The following FECH variants were observed in gnomAD, a reference collection of about 807,000 sequenced individuals.
FECH encodes ferrochelatase.
FECH carries 40 observed loss-of-function variants against 56.9 expected under a neutral mutation model. The ratio of observed to expected loss-of-function variants is 0.70; its 90% confidence interval spans 0.55 to 0.92. The LOEUF is 0.92. FECH is among the 40% of genes least tolerant of loss of function. FECH has a pLI of 0.00. For missense variants in FECH, 431 were observed against 529.1 expected (o/e 0.81, Z 1.82); for synonymous variants, 175 against 198.6 (o/e 0.88, Z 1.00).
intron 7 of FECH, among the ~76,000 whole-genome samples, chr18:57,556,750 A>C (rs1259071700): frequency 6.6e-6 from 1 of 151,836 alleles, no homozygotes; most frequent in Non-Finnish European, 1.5e-5. Context: ...GTCTCTTCAA[A>C]AAATACAAAT....
At chr18:57,584,563 G>T (rs1013065508) in intron 1 of FECH, among the ~76,000 whole-genome samples, 3 of 151,916 alleles carry the variant, frequency 2.0e-5, no homozygotes, top group Admixed American at 6.6e-5. Context: ...GAAGAGGGTG[G>T]GGGGCGAGAT....
chr18:57,559,276 G>C (rs1598987417), intron 6 of FECH, 33 bp from the exon 7 acceptor site: 1 of 1,401,068 alleles, frequency 7.1e-7, no homozygotes, highest in Non-Finnish European at 1.0e-6. Flanking sequence ...GGATAAAGAG[G>C]AAGGGAAGAA....
At chr18:57,583,686 C>T (rs1232669490) in intron 1 of FECH, among the ~76,000 whole-genome samples, 4 of 152,176 alleles carry the variant, frequency 2.6e-5, no homozygotes, top group Admixed American at 2.6e-4. Flanking sequence ...ACAGGCCGGG[C>T]ATGGGGGCTC....
chr18:57,553,633 T>C (rs1431118504), intron 9 of FECH, among the ~76,000 whole-genome samples: 2 of 152,250 alleles, frequency 1.3e-5, no homozygotes, highest in African/African-American at 2.4e-5. Context: ...CCTCCCTGAA[T>C]GACAATTCAC....
chr18:57,563,741 T>G lies in FECH; in HGVS notation c.599-761A>C, dbSNP rs2050979253. 2.0e-5 allele frequency among the ~76,000 whole-genome samples: 3 copies of G among 151,946 alleles called. 1 individual carries two copies. The South Asian group carries it at 6.2e-4, about 31-fold the overall frequency. ...AGTCATTGCTTTACTCTAATATGGT[T>G]CTTTTTTTCTTTATAGATGTTTTGT... On this transcript the variant is annotated intron_variant, in intron 5 of 10. Transcript: ENST00000262093.
In FECH at chr18:57,546,997, G is replaced by T. The variant is rs1386721690; in HGVS notation, c.*3715C>A. On this transcript the variant is annotated 3_prime_UTR_variant, in exon 11 of 11. Transcript: ENST00000262093. Reference sequence around the variant, plus strand: ...AAAAAATTTAAGGAGTGCCCTGCCGGGTTTCAGACTTGCACAGTGGAGTGC... The same window carrying T: ...AAAAAATTTAAGGAGTGCCCTGCCGTGTTTCAGACTTGCACAGTGGAGTGC... 1.3e-5 allele frequency among the ~76,000 whole-genome samples: 2 copies of T among 151,966 alleles called. No individual in the cohort carries two copies. Among genetic ancestry groups the T allele is most frequent in the East Asian group, 1.9e-4 (1 of 5,186 alleles).
chr18:57,557,486 G>A (rs1435105950), intron 7 of FECH, among the ~76,000 whole-genome samples: 2 of 152,164 alleles, frequency 1.3e-5, no homozygotes, highest in Non-Finnish European at 1.5e-5. Flanking sequence ...AGGAGGCAAG[G>A]CAGCACCGGA....
In FECH at chr18:57,563,595, A is replaced by AG. The variant is rs1221151789; in HGVS notation, c.599-616_599-615insC. ...AACTCCGTCCCAAAAAAAAAAAAAA[A>AG]AAAAAAAAAGTATGTTATTTTTTTT... On this transcript the variant is annotated intron_variant, in intron 5 of 10. Coordinates refer to ENST00000262093, the MANE Select transcript of FECH (RefSeq NM_000140.5). Among the ~76,000 whole-genome samples, 163 of 150,860 alleles carry AG rather than the reference A, an allele frequency of 1.1e-3. 3 individuals are homozygous for AG. The highest frequency in any genetic ancestry group is 3.7e-3 in the African/African-American group (153 of 41,208).
chr18:57,571,502 T>C lies in FECH; in HGVS notation c.353A>G (p.Lys118Arg). ...AATCCTGCGGTACTGCTCTTGAATC[T>C]TGGGGGTTCGGCGTTTGGCGATGAA... ...APFIAKRRTP[K>R]IQEQYRRIGG... The change falls in exon 4 of 11, where the codon AAG becomes AGG. Residue 118 changes from lysine to arginine, a missense_variant. Lys to Arg is a conservative substitution (Grantham distance 26). Coordinates refer to ENST00000262093, the MANE Select transcript of FECH (RefSeq NM_000140.5). 1 of 1,614,112 alleles carries C rather than the reference T, an allele frequency of 6.2e-7. No homozygotes were observed. Among genetic ancestry groups the C allele is most frequent in the Non-Finnish European group, 8.5e-7 (1 of 1,180,030 alleles).
intron 2 of FECH, among the ~76,000 whole-genome samples, chr18:57,575,849 A>C (rs935965433): frequency 2.1e-4 from 32 of 152,372 alleles, no homozygotes; most frequent in African/African-American, 6.5e-4. Flanking sequence ...CTGTTGTATA[A>C]GTGGATGAGG....
intron 1 of FECH, among the ~76,000 whole-genome samples, chr18:57,583,755 G>A (rs1175180754): frequency 1.3e-5 from 2 of 150,616 alleles, no homozygotes; most frequent in African/African-American, 4.9e-5. Flanking sequence ...GGGCCCAGGA[G>A]TTTGAGACTA....
intron 4 of FECH, among the ~76,000 whole-genome samples, chr18:57,570,583 T>G (rs1196075068): frequency 2.0e-5 from 3 of 152,186 alleles, no homozygotes; most frequent in Non-Finnish European, 4.4e-5. Context: ...ATCCCAAAGC[T>G]CTAAGATATA....
In FECH at chr18:57,571,844, G is replaced by A. The variant is rs569432271; in HGVS notation, c.315-304C>T. 1.2e-4 allele frequency among the ~76,000 whole-genome samples: 18 copies of A among 152,262 alleles called. No homozygotes were observed. The South Asian group carries it at 1.9e-3, about 16-fold the overall frequency. ...ACCTGGATGTGCGCTAGCTACTAGC[G>A]TAACACATTTTGATCCCACACCTAA... On this transcript the variant is annotated intron_variant, in intron 3 of 10. Transcript: ENST00000262093.
Position 57,544,672 on chromosome 18 carries a change from A to G in FECH, c.*6040T>C, listed in dbSNP as rs1028210334. Among the ~76,000 whole-genome samples, 1 of 152,242 alleles carries G rather than the reference A, an allele frequency of 6.6e-6. No individual in the cohort carries two copies. The highest frequency in any genetic ancestry group is 2.4e-5 in the African/African-American group (1 of 41,466). ...AATACTTCACTTGGATAAGTTGAAT[A>G]ATAGTTTTCAAATAATGGAAGACTA... On this transcript the variant is annotated 3_prime_UTR_variant, in exon 11 of 11. Coordinates refer to ENST00000262093, the MANE Select transcript of FECH (RefSeq NM_000140.5).
chr18:57,554,899 T>A lies in FECH; in HGVS notation c.858A>T (p.Lys286Asn), dbSNP rs1185322604. The A allele has an allele frequency of 6.2e-7, 1 of 1,614,172 alleles. No individual in the cohort carries two copies. The highest frequency in any genetic ancestry group is 1.3e-5 in the African/African-American group (1 of 75,056). ...TGCAGTACTCCAGCCTTTCCATGAC[T>A]TTTTGGACAGTGGCGCTTACCTCCT... ...YPQEVSATVQKVMERLEYCNP... is the reference protein window; with the variant it reads ...YPQEVSATVQNVMERLEYCNP... Residue 286 changes from lysine (K) to asparagine (N), a missense_variant, in exon 8 of 11, where the codon AAA becomes AAT. By Grantham distance (94) the Lys-to-Asn change is moderately conservative. Transcript: ENST00000262093.
intron 4 of FECH, among the ~76,000 whole-genome samples, chr18:57,569,088 G>T (rs995877786): frequency 2.6e-5 from 4 of 152,208 alleles, no homozygotes; most frequent in African/African-American, 9.6e-5. Flanking sequence ...ATCCGGGAAA[G>T]AACAGAATTA....
intron 3 of FECH, among the ~76,000 whole-genome samples, chr18:57,571,861 C>T (rs2051115710): frequency 6.6e-6 from 1 of 152,176 alleles, no homozygotes; most frequent in African/African-American, 2.4e-5. Context: ...ATTTTGATCC[C>T]ACACCTAACG....
In FECH at chr18:57,548,722, C is replaced by T. The variant is rs992818811; in HGVS notation, c.*1990G>A. The T allele has an allele frequency of 3.3e-5, 5 of 152,204 alleles. No homozygotes were observed. Among genetic ancestry groups the T allele is most frequent in the Admixed American group, 1.3e-4 (2 of 15,284 alleles). The allele number at this position is 152,204 out of a possible 1,614,324, so 9.4% of individuals were successfully genotyped here. A position where few individuals can be genotyped will look rare whatever the true frequency, so the allele number is the denominator to read the frequency against. ...CCATGAGCAGTGATCTCAATAAATT[C>T]CTCTTTGCCTGTCACTATAAAAGCC... On this transcript the variant is annotated 3_prime_UTR_variant, in exon 11 of 11. Transcript: ENST00000262093.
chr18:57,579,999 C>T (rs2122356826), intron 2 of FECH, 74 bp downstream of exon 2: 2 of 1,601,760 alleles, frequency 1.2e-6, no homozygotes, highest in Non-Finnish European at 1.7e-6. Flanking sequence ...CCTTTCCTCC[C>T]AGGCAGCTTG....
Sources: allele counts gnomAD v4.1 joint callset (sites outside exome capture counted in the v4.1 genomes callset), GRCh38; gene constraint gnomAD v4.1.1; transcripts MANE v1.5; gene names NCBI Gene and HGNC (gene_info 2026-07-23, HGNC 2026-07-21).